PABPC4L: variants seen among roughly 807,000 people sequenced by gnomAD.
The protein encoded by PABPC4L is poly(A) binding protein cytoplasmic 4 like.
For synonymous variants in PABPC4L, 169 were observed against 164.1 expected (o/e 1.03, Z -0.23); for missense variants, 452 against 451.4 (o/e 1.00, Z -0.01).
the PABPC4L span, among the ~76,000 whole-genome samples, chr4:134,168,071 T>G: frequency 0.71 from 108,248 of 151,882 alleles, 40,268 homozygotes; most frequent in East Asian, 1. Flanking sequence ...TTCAAAATAA[T>G]TACCTTTTCT....
the PABPC4L span, among the ~76,000 whole-genome samples, chr4:134,033,698 A>G: frequency 5.9e-5 from 9 of 151,964 alleles, no homozygotes; most frequent in African/African-American, 2.2e-4. Flanking sequence ...ATCGCAATCT[A>G]GAGCAAAGCC....
the PABPC4L span, among the ~76,000 whole-genome samples, chr4:133,995,867 T>A: frequency 6.6e-6 from 1 of 152,208 alleles, no homozygotes; most frequent in Non-Finnish European, 1.5e-5. Context: ...CAGTCCCATG[T>A]GGGTATATGG....
chr4:134,194,184 T>C (rs73858043), downstream of PABPC4L, among the ~76,000 whole-genome samples: 3,433 of 151,934 alleles, frequency 0.023, 132 homozygotes, highest in African/African-American at 0.078. Flanking sequence ...CTCTAATAAG[T>C]GCTATGCTAG....
the PABPC4L span, among the ~76,000 whole-genome samples, chr4:134,174,107 C>A: frequency 6.6e-6 from 1 of 151,186 alleles, no homozygotes; most frequent in Non-Finnish European, 1.5e-5. Context: ...TTGTTAAAAT[C>A]TGTGACATCA....
chr4:134,161,922 T>C, the PABPC4L span, among the ~76,000 whole-genome samples: 1 of 152,130 alleles, frequency 6.6e-6, no homozygotes, highest in East Asian at 1.9e-4. Flanking sequence ...AGTGGGGGGA[T>C]GAAGTTATAG....
At chr4:134,073,340 T>C in the PABPC4L span, among the ~76,000 whole-genome samples, 1 of 152,148 alleles carries the variant, frequency 6.6e-6, no homozygotes, top group Admixed American at 6.5e-5. Context: ...ATCTTAAAGT[T>C]CCAAAATGAT....
the PABPC4L span, among the ~76,000 whole-genome samples, chr4:134,012,445 C>T: frequency 1.9e-3 from 295 of 152,294 alleles, 1 homozygote; most frequent in African/African-American, 6.7e-3. Flanking sequence ...CGCCAGAGAA[C>T]AGCCCCCCTT....
At chr4:134,164,982 T>C in the PABPC4L span, among the ~76,000 whole-genome samples, 1 of 152,108 alleles carries the variant, frequency 6.6e-6, no homozygotes, top group Non-Finnish European at 1.5e-5. Context: ...AGCCAAATAC[T>C]TATAACCAAC....
chr4:133,996,927 A>G, the PABPC4L span, among the ~76,000 whole-genome samples: 1 of 152,204 alleles, frequency 6.6e-6, no homozygotes, highest in Non-Finnish European at 1.5e-5. Flanking sequence ...TCTAGAGACA[A>G]AAGTAAACAA....
At chr4:134,100,323 T>C in the PABPC4L span, among the ~76,000 whole-genome samples, 1 of 151,716 alleles carries the variant, frequency 6.6e-6, no homozygotes, top group Non-Finnish European at 1.5e-5. Flanking sequence ...TTTATAAATA[T>C]AAAAACTTTA....
the PABPC4L span, among the ~76,000 whole-genome samples, chr4:134,050,390 G>A: frequency 6.6e-6 from 1 of 152,026 alleles, no homozygotes; most frequent in Non-Finnish European, 1.5e-5. Flanking sequence ...AAGCATGAAT[G>A]GACACTGTAA....
chr4:133,971,549 A>G, the PABPC4L span, among the ~76,000 whole-genome samples: 1 of 152,142 alleles, frequency 6.6e-6, no homozygotes, highest in Non-Finnish European at 1.5e-5. Context: ...CTCTTTGTCA[A>G]TGCAGCCAAA....
At chr4:134,018,231 C>T in the PABPC4L span, among the ~76,000 whole-genome samples, 6 of 152,058 alleles carry the variant, frequency 3.9e-5, no homozygotes, top group African/African-American at 1.4e-4. Flanking sequence ...CTGTAATTTT[C>T]CTTTACCTGC....
At chr4:134,149,527 T>C in the PABPC4L span, among the ~76,000 whole-genome samples, 3 of 152,090 alleles carry the variant, frequency 2.0e-5, no homozygotes, top group African/African-American at 7.2e-5. Context: ...CAGATAGGGG[T>C]TGCAGCTCCT....
the PABPC4L span, among the ~76,000 whole-genome samples, chr4:134,002,028 G>A: frequency 3.3e-5 from 5 of 151,994 alleles, no homozygotes; most frequent in Non-Finnish European, 5.9e-5. Flanking sequence ...CCTGAAAACT[G>A]AATTTCAAAA....
At chr4:134,076,971 A>G in the PABPC4L span, among the ~76,000 whole-genome samples, 1 of 152,142 alleles carries the variant, frequency 6.6e-6, no homozygotes, top group Non-Finnish European at 1.5e-5. Flanking sequence ...CTGTGCTACT[A>G]TTGCTCTATA....
the PABPC4L span, among the ~76,000 whole-genome samples, chr4:134,093,376 AT>A: frequency 4.6e-5 from 7 of 151,194 alleles, no homozygotes; most frequent in African/African-American, 7.3e-5. Flanking sequence ...CATAAATTGT[AT>A]TTTTTTTATT....
At chr4:134,122,030 T>C in the PABPC4L span, among the ~76,000 whole-genome samples, 16 of 151,978 alleles carry the variant, frequency 1.1e-4, no homozygotes, top group African/African-American at 3.9e-4. Context: ...TTTTTTTATA[T>C]TTTAATCAAA....
chr4:134,006,193 A>T, the PABPC4L span, among the ~76,000 whole-genome samples: 1 of 151,810 alleles, frequency 6.6e-6, no homozygotes, highest in African/African-American at 2.4e-5. Flanking sequence ...CTGCTCATGG[A>T]TTGGGCTAAT....
Sources: gnomAD v4.1 joint callset for allele counts (sites outside exome capture counted in the v4.1 genomes callset) on GRCh38, gnomAD v4.1.1 for gene constraint, MANE v1.5 for transcripts, NCBI Gene and HGNC (gene_info 2026-07-23, HGNC 2026-07-21) for gene names.